Variants in XRCC4 observed in about 807,000 individuals in gnomAD.
The protein encoded by XRCC4 is DNA repair protein XRCC4.
Under a neutral mutation model 39.1 loss-of-function variants are expected in XRCC4, and 28 were observed. The ratio of observed to expected loss-of-function variants is 0.72; its 90% CI spans 0.53 to 0.98. The LOEUF is 0.98. Among genes scored for constraint, XRCC4 ranks in the 50% least tolerant of loss-of-function variants. XRCC4 has a pLI of 0.00. For synonymous variants in XRCC4, 123 were observed against 126.4 expected, an observed-to-expected ratio of 0.97 and a Z score of 0.18; for missense variants, 350 against 376.4, an observed-to-expected ratio of 0.93 and a Z score of 0.58.
chr5:83,256,670 C>A (rs1290746813), intron 6 of XRCC4, among the ~76,000 whole-genome samples: 1 of 151,490 alleles, frequency 6.6e-6, no homozygotes, highest in Non-Finnish European at 1.5e-5. Context: ...TTTTAATTTA[C>A]CCTTATCTAT....
intron 1 of XRCC4, among the ~76,000 whole-genome samples, chr5:83,103,636 A>C (rs1746060754): frequency 6.6e-6 from 1 of 152,188 alleles, no homozygotes; most frequent in Admixed American, 6.5e-5. Context: ...AATAGTCAAA[A>C]TCTAGAAAGT....
intron 7 of XRCC4, among the ~76,000 whole-genome samples, chr5:83,264,874 C>T (rs1170354345): frequency 1.3e-5 from 2 of 152,110 alleles, no homozygotes; most frequent in African/African-American, 2.4e-5. Flanking sequence ...TGGAATTACA[C>T]ATATATTACA....
chr5:83,357,778 TGGAAA>T (rs767599317), downstream of XRCC4, among the ~76,000 whole-genome samples: 10 of 152,108 alleles, frequency 6.6e-5, no homozygotes, highest in Non-Finnish European at 1.3e-4. Context: ...GTCCGGAAAT[TGGAAA>T]GGAAAGCCAA....
chr5:83,088,649 G>A (rs1411538212), intron 1 of XRCC4, among the ~76,000 whole-genome samples: 1 of 152,010 alleles, frequency 6.6e-6, no homozygotes, highest in Non-Finnish European at 1.5e-5. Context: ...TAATTCTTTT[G>A]GGGAAGTGTT....
At chr5:83,229,639 C>A (rs1752421332) in intron 6 of XRCC4, among the ~76,000 whole-genome samples, 1 of 146,332 alleles carries the variant, frequency 6.8e-6, no homozygotes, top group African/African-American at 2.5e-5. Context: ...AACTTTATTC[C>A]AGGAGACAAA....
intron 1 of XRCC4, among the ~76,000 whole-genome samples, chr5:83,097,443 T>A (rs191877352): frequency 3.9e-5 from 6 of 152,196 alleles, no homozygotes; most frequent in Admixed American, 6.5e-5. Context: ...GGTGCGGTTT[T>A]AAGTAAATGA....
intron 7 of XRCC4, among the ~76,000 whole-genome samples, chr5:83,286,319 T>C (rs1414099991): frequency 6.6e-6 from 1 of 152,168 alleles, no homozygotes; most frequent in Admixed American, 6.6e-5. Context: ...AACAAGTAGT[T>C]TTTGCCCTTG....
chr5:83,192,255 TAC>T (rs1477290138), intron 3 of XRCC4, among the ~76,000 whole-genome samples: 3 of 148,076 alleles, frequency 2.0e-5, no homozygotes, highest in African/African-American at 7.4e-5. Context: ...ATATTATATA[TAC>T]GTATACATAT....
At chr5:83,279,950 A>G in intron 7 of XRCC4, 1 of 169,468 alleles carries the variant, frequency 5.9e-6, no homozygotes, top group Admixed American at 6.3e-5. Flanking sequence ...TTAACTCCTG[A>G]GGTATATTTA....
At chr5:83,203,036 TTG>T (rs148018202) in intron 4 of XRCC4, among the ~76,000 whole-genome samples, 15 of 150,184 alleles carry the variant, frequency 1.0e-4, no homozygotes, top group Non-Finnish European at 1.8e-4. Context: ...CTATATGTAT[TTG>T]TGTGTGTGTG....
chr5:83,294,933 A>AGAT (rs1435620736), intron 7 of XRCC4, among the ~76,000 whole-genome samples: 1 of 152,054 alleles, frequency 6.6e-6, no homozygotes, highest in African/African-American at 2.4e-5. Flanking sequence ...GAATCCATTT[A>AGAT]GATAGGTTAA....
chr5:83,164,672 ATGT>A (rs1749375880), intron 3 of XRCC4, among the ~76,000 whole-genome samples: 1 of 152,276 alleles, frequency 6.6e-6, no homozygotes, highest in African/African-American at 2.4e-5. Context: ...TATCTCAAAC[ATGT>A]TGTACAACTT....
chr5:83,322,955 T>A (rs1181190180), intron 7 of XRCC4, among the ~76,000 whole-genome samples: 1 of 152,130 alleles, frequency 6.6e-6, no homozygotes, highest in Non-Finnish European at 1.5e-5. Context: ...AGGAAATAAA[T>A]GCACTGAGGA....
chr5:83,329,527 A>C (rs73140214), intron 7 of XRCC4, among the ~76,000 whole-genome samples: 3,022 of 152,274 alleles, frequency 0.02, 95 homozygotes, highest in African/African-American at 0.069. Flanking sequence ...CGACATCATT[A>C]CTTCTCCATA....
In XRCC4 at chr5:83,145,802, T is replaced by C. The variant is rs570748768; in HGVS notation, c.315+34599T>C. On this transcript the variant is annotated intron_variant, in intron 3 of 7. Transcript: ENST00000396027. ...GTTATGGGAATCTTATTCAGTGTTA[T>C]TCTTTTTTTTCCCCAGAATCAATCT... Among the ~76,000 whole-genome samples the C allele has an allele frequency of 8.9e-4, 135 of 152,304 alleles. 1 individual carries two copies. Among genetic ancestry groups the C allele is most frequent in the South Asian group, 6.4e-3 (31 of 4,830 alleles).
rs28360119 is a variant in XRCC4, at chr5:83,184,216, A to G, written c.316-11554A>G. ...ATTTGATATTTTATTTCAATTAGGA[A>G]TTTTAAAATACTTATTTTTATGATT... On this transcript the variant is annotated intron_variant, in intron 3 of 7. Coordinates refer to ENST00000396027, the MANE Select transcript of XRCC4 (RefSeq NM_003401.5). Among the ~76,000 whole-genome samples, 1,406 of 152,214 alleles carry G rather than the reference A, an allele frequency of 9.2e-3. 18 individuals are homozygous for G. Among genetic ancestry groups the G allele is most frequent in the African/African-American group, 0.032 (1,320 of 41,566 alleles).
At chr5:83,248,427 G>A (rs1486963331) in intron 6 of XRCC4, among the ~76,000 whole-genome samples, 1 of 152,188 alleles carries the variant, frequency 6.6e-6, no homozygotes, top group Non-Finnish European at 1.5e-5. Flanking sequence ...AAGTATTGGA[G>A]ATGCGGATAA....
intron 3 of XRCC4, among the ~76,000 whole-genome samples, chr5:83,158,120 G>GA (rs1041832316): frequency 2.6e-4 from 39 of 152,092 alleles, no homozygotes; most frequent in African/African-American, 9.1e-4. Flanking sequence ...AAAATAATTT[G>GA]AAAAAAGCTA....
intron 6 of XRCC4, among the ~76,000 whole-genome samples, chr5:83,254,961 T>G (rs773113495): frequency 3.3e-5 from 5 of 151,614 alleles, no homozygotes; most frequent in Admixed American, 6.6e-5. Context: ...GTGGCAGGCT[T>G]CTGTAATCCC....
Sources: gnomAD v4.1 joint callset for allele counts (sites outside exome capture counted in the v4.1 genomes callset) on GRCh38, gnomAD v4.1.1 for gene constraint, MANE v1.5 for transcripts, NCBI Gene and HGNC (gene_info 2026-07-23, HGNC 2026-07-21) for gene names.